The following RBFOX1 variants were observed in gnomAD, a reference collection of about 807,000 sequenced individuals.
RBFOX1 encodes RNA binding protein fox-1 homolog 1.
Under a neutral mutation model 57.7 loss-of-function variants are expected in RBFOX1, and 8 were observed. The ratio of observed to expected loss-of-function variants is 0.14; its 90% CI spans 0.08 to 0.25. The LOEUF (loss-of-function observed/expected upper bound fraction) is 0.25. RBFOX1 is among the 10% of genes least tolerant of loss of function. RBFOX1 has a pLI of 1.00. For missense variants in RBFOX1, 611 were observed against 548.5 expected (o/e 1.11, Z -1.14); for synonymous variants, 326 against 222.4 (o/e 1.47, Z -4.15).
At chr16:7,384,067 A>C (rs1174040589) in intron 4 of RBFOX1, among the ~76,000 whole-genome samples, 4 of 151,946 alleles carry the variant, frequency 2.6e-5, no homozygotes, top group African/African-American at 9.7e-5. Flanking sequence ...AAAAAAAAAA[A>C]AGTATCCCAA....
chr16:5,392,895 C>T (rs947101199), intron 1 of RBFOX1, among the ~76,000 whole-genome samples: 1 of 152,154 alleles, frequency 6.6e-6, no homozygotes, highest in Non-Finnish European at 1.5e-5. Flanking sequence ...TACATCCTGG[C>T]ACTTACCTGC....
intron 3 of RBFOX1, among the ~76,000 whole-genome samples, chr16:6,819,277 G>T (rs1028871340): frequency 6.6e-6 from 1 of 152,148 alleles, no homozygotes; most frequent in African/African-American, 2.4e-5. Flanking sequence ...AGTGGAAATG[G>T]CATAGTCCCT....
intron 4 of RBFOX1, among the ~76,000 whole-genome samples, chr16:5,955,411 TAA>T (rs138909154): frequency 0.025 from 1,551 of 62,284 alleles, 56 homozygotes; most frequent in Non-Finnish European, 0.037. Context: ...TAAAATAAAA[TAA>T]AAGTCTTTCC....
chr16:7,306,923 A>T (rs1047867785), intron 4 of RBFOX1, among the ~76,000 whole-genome samples: 3 of 152,190 alleles, frequency 2.0e-5, no homozygotes, highest in Non-Finnish European at 4.4e-5. Context: ...ATCTGCCTTT[A>T]ATCTGTAGCT....
intron 2 of RBFOX1, among the ~76,000 whole-genome samples, chr16:6,646,537 G>A (rs915688159): frequency 3.3e-5 from 5 of 152,028 alleles, no homozygotes; most frequent in Non-Finnish European, 7.4e-5. Context: ...TCGTTAGTTC[G>A]TTGATTAACA....
At chr16:6,809,762 C>G (rs1203794374) in intron 3 of RBFOX1, among the ~76,000 whole-genome samples, 1 of 151,826 alleles carries the variant, frequency 6.6e-6, no homozygotes, top group African/African-American at 2.4e-5. Flanking sequence ...ATGGGGCAAT[C>G]ATAGAAAGCA....
At chr16:5,983,927 CCCT>C (rs1309784209) in intron 4 of RBFOX1, among the ~76,000 whole-genome samples, 46 of 143,276 alleles carry the variant, frequency 3.2e-4, no homozygotes, top group East Asian at 1.3e-3. Context: ...CTCCTCCTCC[CCCT>C]CCTCCTCCTC....
chr16:5,548,310 C>T (rs920622929), intron 2 of RBFOX1, among the ~76,000 whole-genome samples: 4 of 150,048 alleles, frequency 2.7e-5, no homozygotes, highest in African/African-American at 9.8e-5. Context: ...ATCATTTGTA[C>T]TGCAAACTTC....
chr16:5,716,009 C>T (rs922061118), intron 3 of RBFOX1, among the ~76,000 whole-genome samples: 1 of 152,114 alleles, frequency 6.6e-6, no homozygotes, highest in African/African-American at 2.4e-5. Context: ...CAAAAAAACT[C>T]ATGAAGTGGG....
chr16:7,111,923 C>G (rs778876446), intron 4 of RBFOX1, among the ~76,000 whole-genome samples: 1 of 152,074 alleles, frequency 6.6e-6, no homozygotes, highest in African/African-American at 2.4e-5. Context: ...CAAGTGGTCT[C>G]ATTCACAATT....
intron 3 of RBFOX1, among the ~76,000 whole-genome samples, chr16:5,847,120 C>A (rs1187253837): frequency 2.0e-5 from 3 of 152,154 alleles, no homozygotes; most frequent in Admixed American, 6.5e-5. Flanking sequence ...AGGCTGTTCT[C>A]TGGAAGTCAT....
intron 3 of RBFOX1, among the ~76,000 whole-genome samples, chr16:5,750,459 C>T (rs1415582166): frequency 6.6e-6 from 1 of 152,208 alleles, no homozygotes; most frequent in Non-Finnish European, 1.5e-5. Flanking sequence ...TGCCGTGCCC[C>T]CAGAGGTGGA....
intron 3 of RBFOX1, among the ~76,000 whole-genome samples, chr16:5,858,233 C>A (rs558036761): frequency 6.6e-6 from 1 of 152,252 alleles, no homozygotes; most frequent in Non-Finnish European, 1.5e-5. Flanking sequence ...CAGCAGGTTA[C>A]AATGGGAAAG....
At chr16:6,610,743 A>T (rs1334699204) in intron 2 of RBFOX1, among the ~76,000 whole-genome samples, 2 of 152,172 alleles carry the variant, frequency 1.3e-5, no homozygotes, top group African/African-American at 4.8e-5. Flanking sequence ...CCGCCAAACA[A>T]TCACTACCAT....
chr16:5,837,032 G>T (rs2056479145), intron 3 of RBFOX1, among the ~76,000 whole-genome samples: 1 of 152,150 alleles, frequency 6.6e-6, no homozygotes, highest in Admixed American at 6.5e-5. Context: ...CTGGTCACTT[G>T]CAGAAGTACC....
At chr16:6,750,083 G>T (rs1433287907) in intron 3 of RBFOX1, among the ~76,000 whole-genome samples, 1 of 152,136 alleles carries the variant, frequency 6.6e-6, no homozygotes, top group Non-Finnish European at 1.5e-5. Flanking sequence ...TTTCAGTCGA[G>T]GTGTATAGGG....
chr16:7,319,635 G>A (rs375283059), intron 4 of RBFOX1, among the ~76,000 whole-genome samples: 10 of 152,140 alleles, frequency 6.6e-5, no homozygotes, highest in Non-Finnish European at 1.0e-4. Context: ...GCATCGAGGC[G>A]AGATTTAGAA....
In RBFOX1 at chr16:7,335,606, A is replaced by AAAAAAAG. The variant is rs1568270544; in HGVS notation, c.28-182538_28-182537insAAAGAAA. On this transcript the variant is annotated intron_variant, in intron 4 of 15. Transcript: ENST00000550418. ...AAAGAAAAAAAAAAAAAAAAAAAAA[A>AAAAAAAG]AAACCAAGTGATTTACCAGTCATTT... Among the ~76,000 whole-genome samples the AAAAAAAG allele has an allele frequency of 1.1e-4, 7 of 64,932 alleles. 1 individual carries two copies. Among genetic ancestry groups the AAAAAAAG allele is most frequent in the African/African-American group, 1.1e-3 (7 of 6,656 alleles). The allele number at this position is 64,932 out of a possible 152,430, so 42.6% of individuals were successfully genotyped here.
intron 1 of RBFOX1, among the ~76,000 whole-genome samples, chr16:6,094,036 T>A (rs903762277): frequency 1.3e-4 from 20 of 152,226 alleles, no homozygotes; most frequent in Non-Finnish European, 2.9e-5. Flanking sequence ...GTTTCTAATT[T>A]ACTTTTAAAG....
Sources: allele counts gnomAD v4.1 joint callset (sites outside exome capture counted in the v4.1 genomes callset), GRCh38; gene constraint gnomAD v4.1.1; transcripts MANE v1.5; gene names NCBI Gene and HGNC (gene_info 2026-07-23, HGNC 2026-07-21).